Variants in FAM13C observed in about 807,000 individuals in gnomAD.
FAM13C encodes family with sequence similarity 13 member C.
Under a neutral mutation model 73.2 loss-of-function variants are expected in FAM13C, and 37 were observed. That is an observed-to-expected ratio of 0.51 (90% CI 0.39 to 0.67). The LOEUF (loss-of-function observed/expected upper bound fraction) is 0.67, where lower values mean the gene tolerates loss of function less well. Ranked by LOEUF, FAM13C falls within the 30% of genes least tolerant of loss-of-function variation. FAM13C has a pLI of 0.00. For missense variants in FAM13C, 589 were observed against 715.6 expected (o/e 0.82, Z 2.02); for synonymous variants, 246 against 260.9 (o/e 0.94, Z 0.55).
At chr10:59,320,854 C>A (rs1035541593) in intron 4 of FAM13C, among the ~76,000 whole-genome samples, 4 of 152,164 alleles carry the variant, frequency 2.6e-5, no homozygotes, top group African/African-American at 7.2e-5. Flanking sequence ...TACAGAGAAA[C>A]CTTTAGGCTG....
intron 5 of FAM13C, among the ~76,000 whole-genome samples, chr10:59,286,806 G>A (rs1401538931): frequency 6.6e-6 from 1 of 151,480 alleles, no homozygotes; most frequent in African/African-American, 2.4e-5. Flanking sequence ...GGTCAAGGCG[G>A]TGGATCACCT....
Position 59,362,401 on chromosome 10 carries a change from T to C in FAM13C, c.60A>G (p.Thr20=). 1.2e-6 allele frequency: 2 copies of C among 1,614,026 alleles called. No homozygotes were observed. The highest frequency in any genetic ancestry group is 4.5e-5 in the East Asian group (2 of 44,870). Residue 20 remains threonine (T), a splice_region_variant and synonymous_variant, in exon 1 of 14, where the codon ACA becomes ACG. Coordinates refer to ENST00000618804, the MANE Select transcript of FAM13C (RefSeq NM_198215.4). ...TTTTAATGGTAAGAATCACTTACTC[T>C]GTTACAGTGGTGCTGCTGAAGGAAT... ...QDNSFSSTTV[T]ECDEDPVSLH...
chr10:59,275,207 C>T (rs1163620994), intron 6 of FAM13C, among the ~76,000 whole-genome samples: 1 of 152,134 alleles, frequency 6.6e-6, no homozygotes, highest in Non-Finnish European at 1.5e-5. Context: ...TGGGCGGTAC[C>T]TTTACTAGTC....
intron 6 of FAM13C, among the ~76,000 whole-genome samples, chr10:59,275,589 G>GT (rs531060437): frequency 9.1e-4 from 138 of 152,276 alleles, no homozygotes; most frequent in African/African-American, 3.2e-3. Context: ...TGTATGTTCA[G>GT]TTTTTTTGTA....
At chr10:59,320,099 G>C (rs1237067109) in intron 4 of FAM13C, among the ~76,000 whole-genome samples, 1 of 152,118 alleles carries the variant, frequency 6.6e-6, no homozygotes, top group African/African-American at 2.4e-5. Flanking sequence ...AAATAAATGA[G>C]GAGAGCTGGG....
At chr10:59,290,730 C>A (rs930614559) in intron 5 of FAM13C, among the ~76,000 whole-genome samples, 1 of 152,196 alleles carries the variant, frequency 6.6e-6, no homozygotes, top group African/African-American at 2.4e-5. Flanking sequence ...TGTTTATCAG[C>A]TCCATGAGAG....
intron 5 of FAM13C, among the ~76,000 whole-genome samples, chr10:59,290,362 T>A (rs1290394145): frequency 6.6e-6 from 1 of 152,212 alleles, no homozygotes; most frequent in Non-Finnish European, 1.5e-5. Context: ...TTGCATATGA[T>A]TCCCTATGAT....
intron 12 of FAM13C, 95 bp from the exon 13 acceptor site, chr10:59,251,771 G>T: frequency 2.2e-6 from 2 of 927,674 alleles, no homozygotes; most frequent in Non-Finnish European, 3.3e-6. Flanking sequence ...AAGCATCTAT[G>T]ATTGAAAAGT....
intron 4 of FAM13C, among the ~76,000 whole-genome samples, chr10:59,314,679 C>G (rs1036089749): frequency 6.6e-6 from 1 of 152,068 alleles, no homozygotes; most frequent in African/African-American, 2.4e-5. Context: ...CAATCTTTCT[C>G]CCCTTGGACC....
In FAM13C at chr10:59,362,504, G is replaced by T; in HGVS notation, c.-44C>A. 1 of 1,604,042 alleles carries T rather than the reference G, an allele frequency of 6.2e-7. No homozygotes were observed. Among genetic ancestry groups the T allele is most frequent in the African/African-American group, 1.3e-5 (1 of 74,968 alleles). On this transcript the variant is annotated 5_prime_UTR_variant, in exon 1 of 14. Coordinates refer to ENST00000618804, the MANE Select transcript of FAM13C (RefSeq NM_198215.4). ...GAGCCGTCTCCCTGATTGCTCTCCGGGAGTTAGAGCACATACACAAACATG... is the reference window on the plus strand; with the variant it reads ...GAGCCGTCTCCCTGATTGCTCTCCGTGAGTTAGAGCACATACACAAACATG...
At chr10:59,280,724 T>G (rs1454721090) in intron 6 of FAM13C, among the ~76,000 whole-genome samples, 1 of 152,198 alleles carries the variant, frequency 6.6e-6, no homozygotes, top group African/African-American at 2.4e-5. Context: ...AGGGGTACCA[T>G]GAAATGCGTT....
At chr10:59,299,182 A>G (rs1381756520) in intron 5 of FAM13C, among the ~76,000 whole-genome samples, 1 of 152,212 alleles carries the variant, frequency 6.6e-6, no homozygotes, top group Admixed American at 6.5e-5. Context: ...TGATTTGTTC[A>G]TTCCATAATA....
At chr10:59,284,874 A>G (rs149316229) in intron 5 of FAM13C, among the ~76,000 whole-genome samples, 100 of 150,154 alleles carry the variant, frequency 6.7e-4, no homozygotes, top group African/African-American at 2.3e-3. Context: ...ATGCCTTCAC[A>G]TACTGTCCAC....
intron 4 of FAM13C, among the ~76,000 whole-genome samples, chr10:59,320,001 G>C (rs1850011033): frequency 6.6e-6 from 1 of 152,200 alleles, no homozygotes; most frequent in Admixed American, 6.6e-5. Flanking sequence ...GGGAGCTACA[G>C]AGTCCCCAGG....
At chr10:59,250,984 G>A (rs1034739388) in intron 13 of FAM13C, among the ~76,000 whole-genome samples, 3 of 152,050 alleles carry the variant, frequency 2.0e-5, no homozygotes, top group Non-Finnish European at 2.9e-5. Context: ...TTTTGTTGAT[G>A]ATACACCAAA....
chr10:59,334,613 A>G (rs1384772396), intron 3 of FAM13C, among the ~76,000 whole-genome samples: 1 of 152,132 alleles, frequency 6.6e-6, no homozygotes, highest in Admixed American at 6.5e-5. Flanking sequence ...TTGTAGGGAC[A>G]TGGATGAAGC....
chr10:59,262,350 C>A, intron 10 of FAM13C, 84 bp downstream of exon 10: 1 of 1,269,276 alleles, frequency 7.9e-7, no homozygotes, highest in Admixed American at 2.1e-5. Context: ...GATGTAATGG[C>A]AAAGTGCTCT....
At chr10:59,272,333 A>T (rs192402709) in intron 6 of FAM13C, among the ~76,000 whole-genome samples, 22 of 152,306 alleles carry the variant, frequency 1.4e-4, no homozygotes, top group South Asian at 2.1e-4. Context: ...TCTTTGTCCA[A>T]ACTCCCCATT....
chr10:59,329,147 T>C (rs1219380520), intron 3 of FAM13C, among the ~76,000 whole-genome samples: 1 of 152,068 alleles, frequency 6.6e-6, no homozygotes, highest in African/African-American at 2.4e-5. Flanking sequence ...TTTCTGGCCC[T>C]TTAAGAAATA....
Sources: gnomAD v4.1 joint callset for allele counts (sites outside exome capture counted in the v4.1 genomes callset) on GRCh38, gnomAD v4.1.1 for gene constraint, MANE v1.5 for transcripts, NCBI Gene and HGNC (gene_info 2026-07-23, HGNC 2026-07-21) for gene names.